Variants in CCSER1 observed in about 807,000 individuals in gnomAD.
The protein encoded by CCSER1 is coiled-coil serine rich protein 1.
Under a neutral mutation model 82.0 loss-of-function variants are expected in CCSER1, and 41 were observed. The ratio of observed to expected loss-of-function variants is 0.50; its 90% CI spans 0.39 to 0.65. The LOEUF (loss-of-function observed/expected upper bound fraction) is 0.65. CCSER1 is among the 30% of genes least tolerant of loss of function. The pLI is 0.00. For synonymous variants in CCSER1, 414 were observed against 383.9 expected, an observed-to-expected ratio of 1.08 and a Z score of -0.92; for missense variants, 1,119 against 1,064.2, an observed-to-expected ratio of 1.05 and a Z score of -0.72.
intron 5 of CCSER1, among the ~76,000 whole-genome samples, chr4:90,531,682 G>A (rs1774551065): frequency 6.6e-6 from 1 of 152,116 alleles, no homozygotes; most frequent in African/African-American, 2.4e-5. Context: ...TCAAAATAGA[G>A]AGTTATTTTT....
intron 7 of CCSER1, among the ~76,000 whole-genome samples, chr4:90,805,680 A>G (rs1312800063): frequency 6.6e-6 from 1 of 152,226 alleles, no homozygotes; most frequent in Non-Finnish European, 1.5e-5. Flanking sequence ...TTGAATTAAG[A>G]AATAATAGAA....
chr4:90,968,335 A>T (rs1734767746), intron 9 of CCSER1, among the ~76,000 whole-genome samples: 1 of 152,060 alleles, frequency 6.6e-6, no homozygotes, highest in African/African-American at 2.4e-5. Context: ...AGATTTCCTC[A>T]ACTAACCCAC....
chr4:90,816,267 T>G (rs1323253957), intron 8 of CCSER1, among the ~76,000 whole-genome samples: 1 of 152,148 alleles, frequency 6.6e-6, no homozygotes, highest in African/African-American at 2.4e-5. Context: ...TATAAAGCCA[T>G]CAAAAATACA....
chr4:90,497,076 T>A (rs982204734), intron 5 of CCSER1, among the ~76,000 whole-genome samples: 3 of 152,108 alleles, frequency 2.0e-5, no homozygotes, highest in Admixed American at 1.3e-4. Context: ...ATTTATTTGT[T>A]ATGATTTCTA....
intron 9 of CCSER1, among the ~76,000 whole-genome samples, chr4:90,941,089 C>G (rs957565935): frequency 3.3e-5 from 5 of 152,006 alleles, no homozygotes; most frequent in African/African-American, 1.2e-4. Flanking sequence ...GTGAATGCTA[C>G]CTACTATGCC....
At chr4:90,448,364 T>C (rs1031713880) in intron 4 of CCSER1, among the ~76,000 whole-genome samples, 58 of 149,916 alleles carry the variant, frequency 3.9e-4, no homozygotes, top group African/African-American at 1.2e-3. Flanking sequence ...TCCAGGGATC[T>C]TTCTAAGTTT....
intron 10 of CCSER1, among the ~76,000 whole-genome samples, chr4:91,287,400 A>G (rs1012600777): frequency 1.3e-5 from 2 of 151,850 alleles, no homozygotes; most frequent in Admixed American, 6.6e-5. Context: ...TGTTCCACAC[A>G]ATGTATTTGC....
intron 10 of CCSER1, among the ~76,000 whole-genome samples, chr4:91,347,892 T>C (rs1268256283): frequency 6.6e-6 from 1 of 151,892 alleles, no homozygotes; most frequent in Non-Finnish European, 1.5e-5. Flanking sequence ...TGCAATTTTC[T>C]ACATTAATAA....
At chr4:90,181,653 C>T (rs76124417) in intron 1 of CCSER1, among the ~76,000 whole-genome samples, 6,109 of 152,160 alleles carry the variant, frequency 0.04, 403 homozygotes, top group African/African-American at 0.14. Context: ...ATTTTATTTT[C>T]CCTGATTGAA....
intron 10 of CCSER1, among the ~76,000 whole-genome samples, chr4:91,504,065 G>T (rs1759359950): frequency 6.6e-6 from 1 of 151,902 alleles, no homozygotes; most frequent in Non-Finnish European, 1.5e-5. Flanking sequence ...TTGAAGTGTT[G>T]GATTATAAAT....
chr4:91,024,273 T>C (rs976678305), intron 9 of CCSER1, among the ~76,000 whole-genome samples: 1 of 152,180 alleles, frequency 6.6e-6, no homozygotes, highest in South Asian at 2.1e-4. Context: ...AGTAAGGTGT[T>C]TACAAACTTT....
In CCSER1 at chr4:90,424,008, G is replaced by A. The variant is rs557139537; in HGVS notation, c.1603+23879G>A. On this transcript the variant is annotated intron_variant, in intron 4 of 10. Coordinates refer to ENST00000509176, the MANE Select transcript of CCSER1 (RefSeq NM_001145065.2). The stretch of plus-strand genomic sequence containing the variant: ...CGGGAGGCTGAGGCAGGAGAATGGC[G>A]TGAACCCGGGAGGCTGAGGTTGCAG... Among the ~76,000 whole-genome samples, 15 of 151,152 alleles carry A rather than the reference G, an allele frequency of 9.9e-5. No individual in the cohort carries two copies. In the South Asian group the frequency reaches 2.5e-3, roughly 25 times the overall value.
chr4:90,799,190 T>C (rs1046425133), intron 7 of CCSER1, among the ~76,000 whole-genome samples: 1 of 152,092 alleles, frequency 6.6e-6, no homozygotes, highest in East Asian at 1.9e-4. Context: ...GGGTGTCTTC[T>C]CTGTGTCCCG....
chr4:91,225,131 G>T (rs1322687423), intron 10 of CCSER1, among the ~76,000 whole-genome samples: 2 of 144,380 alleles, frequency 1.4e-5, no homozygotes, highest in Admixed American at 7.2e-5. Context: ...CTGTGATAGA[G>T]TTTTACCTGG....
chr4:91,579,030 G>A (rs563813904), intron 10 of CCSER1, among the ~76,000 whole-genome samples: 62 of 151,636 alleles, frequency 4.1e-4, no homozygotes, highest in East Asian at 1.9e-4. Flanking sequence ...CCTGCAGCCC[G>A]GTTAGCTGCC....
chr4:90,708,579 T>A (rs58127093), intron 6 of CCSER1, among the ~76,000 whole-genome samples: 1 of 152,114 alleles, frequency 6.6e-6, no homozygotes, highest in South Asian at 2.1e-4. Flanking sequence ...ATGTTTTCTT[T>A]AATATGTAAA....
intron 4 of CCSER1, among the ~76,000 whole-genome samples, chr4:90,413,848 C>G (rs980739226): frequency 2.8e-5 from 4 of 142,624 alleles, no homozygotes; most frequent in Non-Finnish European, 6.0e-5. Context: ...ACTCGGGAGG[C>G]TGAGGCAGGA....
intron 6 of CCSER1, among the ~76,000 whole-genome samples, chr4:90,642,868 T>C (rs949069221): frequency 2.7e-5 from 4 of 148,580 alleles, no homozygotes; most frequent in African/African-American, 1.0e-4. Context: ...AATAAATACA[T>C]ACATACATAC....
chr4:90,616,273 A>G (rs1721174909), intron 5 of CCSER1, among the ~76,000 whole-genome samples: 1 of 152,196 alleles, frequency 6.6e-6, no homozygotes, highest in East Asian at 1.9e-4. Context: ...GTATGCCTGT[A>G]TACCAAAATT....
Sources: gnomAD v4.1 joint callset for allele counts (sites outside exome capture counted in the v4.1 genomes callset) on GRCh38, gnomAD v4.1.1 for gene constraint, MANE v1.5 for transcripts, NCBI Gene and HGNC (gene_info 2026-07-23, HGNC 2026-07-21) for gene names.